Variants in CTNNA2 observed in about 807,000 individuals in gnomAD.
CTNNA2 encodes the protein catenin alpha-2.
CTNNA2 carries 42 observed loss-of-function variants against 101.0 expected under a neutral mutation model. That is an observed-to-expected ratio of 0.42 (90% CI 0.32 to 0.54). The LOEUF (loss-of-function observed/expected upper bound fraction) is 0.54. CTNNA2 is among the 20% of genes least tolerant of loss of function. The probability of loss-of-function intolerance (pLI) is 0.14; values close to 1 mark genes in which losing one functional copy is unlikely to be tolerated. For missense variants in CTNNA2, 871 were observed against 1,223.1 expected, an observed-to-expected ratio of 0.71 and a Z score of 4.29; for synonymous variants, 450 against 456.4, an observed-to-expected ratio of 0.99 and a Z score of 0.18.
intron 9 of CTNNA2, among the ~76,000 whole-genome samples, chr2:80,479,326 T>A (rs1366821718): frequency 6.6e-6 from 1 of 152,064 alleles, no homozygotes; most frequent in Non-Finnish European, 1.5e-5. Flanking sequence ...GACATGGTGA[T>A]GAAAAGGAAG....
At chr2:80,154,429 G>C (rs1394607270) in intron 7 of CTNNA2, among the ~76,000 whole-genome samples, 3 of 152,152 alleles carry the variant, frequency 2.0e-5, no homozygotes, top group Admixed American at 6.5e-5. Context: ...TTTCCACAAT[G>C]CCGGGAGCTA....
intron 1 of CTNNA2, among the ~76,000 whole-genome samples, chr2:79,608,495 A>G (rs1310141455): frequency 1.3e-5 from 2 of 152,094 alleles, no homozygotes; most frequent in African/African-American, 4.8e-5. Context: ...CATGAACATA[A>G]CATGCAAAAT....
intron 1 of CTNNA2, among the ~76,000 whole-genome samples, chr2:79,611,688 G>A (rs890675528): frequency 4.6e-5 from 7 of 152,092 alleles, no homozygotes. Flanking sequence ...AGAGGAAATT[G>A]CAATGCGTGT....
Position 80,500,820 on chromosome 2 carries a change from A to C in CTNNA2, c.1291-44162A>C, listed in dbSNP as rs116606640. ...TCAGGAACTTTGTTTTGCAATATAC[A>C]TTTTTATTTGTTTCGTTTATTTTAA... On this transcript the variant is annotated intron_variant, in intron 9 of 18. Coordinates refer to ENST00000402739, the MANE Select transcript of CTNNA2 (RefSeq NM_001282597.3). Among the ~76,000 whole-genome samples the C allele has an allele frequency of 7.8e-3, 1,190 of 152,234 alleles. 17 individuals are homozygous for C. The highest frequency in any genetic ancestry group is 0.027 in the African/African-American group (1,120 of 41,538).
At chr2:79,572,193 G>A (rs1159877001) in intron 1 of CTNNA2, among the ~76,000 whole-genome samples, 1 of 152,130 alleles carries the variant, frequency 6.6e-6, no homozygotes, top group Non-Finnish European at 1.5e-5. Context: ...AACCTTGAGC[G>A]ATTTCTGTAC....
chr2:79,716,016 T>G (rs959832988), intron 2 of CTNNA2, among the ~76,000 whole-genome samples: 2 of 149,052 alleles, frequency 1.3e-5, no homozygotes, highest in African/African-American at 4.9e-5. Flanking sequence ...GTTAATCGAC[T>G]ATAAGGATTG....
At chr2:80,524,095 G>A (rs1357056486) in intron 9 of CTNNA2, among the ~76,000 whole-genome samples, 1 of 152,178 alleles carries the variant, frequency 6.6e-6, no homozygotes, top group Admixed American at 6.5e-5. Context: ...TTCAGGAGAT[G>A]TCCTGCAGGG....
chr2:80,639,613 A>T (rs1673252398), intron 18 of CTNNA2, among the ~76,000 whole-genome samples: 1 of 152,056 alleles, frequency 6.6e-6, no homozygotes, highest in Non-Finnish European at 1.5e-5. Context: ...TTCCTTGTTA[A>T]AATATGCAAC....
chr2:80,438,642 A>C, intron 9 of CTNNA2, among the ~76,000 whole-genome samples: 1 of 152,182 alleles, frequency 6.6e-6, no homozygotes, highest in East Asian at 1.9e-4. Context: ...CAATTGTATT[A>C]CATAAAATAA....
upstream of CTNNA2, among the ~76,000 whole-genome samples, chr2:79,510,449 A>G (rs1398999882): frequency 6.6e-6 from 1 of 152,250 alleles, no homozygotes; most frequent in Non-Finnish European, 1.5e-5. Context: ...AAGCATATTT[A>G]GACTGTTATC....
intron 2 of CTNNA2, among the ~76,000 whole-genome samples, chr2:79,726,155 C>T (rs1162658263): frequency 6.6e-6 from 1 of 152,150 alleles, no homozygotes; most frequent in Non-Finnish European, 1.5e-5. Flanking sequence ...TATTAGAAAA[C>T]ACTGAAATGG....
chr2:79,365,296 ATAAAT>A (rs1677720657), intron 3 of CTNNA2, among the ~76,000 whole-genome samples: 2 of 151,550 alleles, frequency 1.3e-5, no homozygotes, highest in Non-Finnish European at 2.9e-5. Context: ...AAAAAAAAGA[ATAAAT>A]TAAACCTGCA....
intron 2 of CTNNA2, among the ~76,000 whole-genome samples, chr2:79,272,234 G>A (rs922573238): frequency 6.6e-6 from 1 of 151,894 alleles, no homozygotes; most frequent in Non-Finnish European, 1.5e-5. Flanking sequence ...AGCAATGTAT[G>A]ATCTAATAAT....
At chr2:79,248,714 C>A (rs1674729592) in intron 2 of CTNNA2, among the ~76,000 whole-genome samples, 1 of 152,168 alleles carries the variant, frequency 6.6e-6, no homozygotes, top group South Asian at 2.1e-4. Flanking sequence ...CCTGGGCTTC[C>A]TTTTGTCCCC....
chr2:79,192,290 A>G (rs1673884830), intron 1 of CTNNA2, among the ~76,000 whole-genome samples: 1 of 152,156 alleles, frequency 6.6e-6, no homozygotes, highest in African/African-American at 2.4e-5. Flanking sequence ...TCATTTCACA[A>G]AATGCTTTGT....
At chr2:79,404,143 T>C (rs1484730311) in intron 4 of CTNNA2, among the ~76,000 whole-genome samples, 1 of 146,624 alleles carries the variant, frequency 6.8e-6, no homozygotes, top group Non-Finnish European at 1.5e-5. Context: ...TGAATAAATG[T>C]AAAAAAAAAA....
At chr2:80,453,798 A>G (rs1683732419) in intron 9 of CTNNA2, among the ~76,000 whole-genome samples, 1 of 152,194 alleles carries the variant, frequency 6.6e-6, no homozygotes, top group African/African-American at 2.4e-5. Flanking sequence ...ATCAAAAGAT[A>G]CGTTTCTATT....
At chr2:80,389,009 G>T (rs1441777654) in intron 7 of CTNNA2, among the ~76,000 whole-genome samples, 2 of 152,104 alleles carry the variant, frequency 1.3e-5, no homozygotes, top group Non-Finnish European at 2.9e-5. Flanking sequence ...AAAATGAACT[G>T]CCCCAAATAT....
chr2:79,527,322 G>C (rs1672468094), intron 1 of CTNNA2, among the ~76,000 whole-genome samples: 1 of 151,888 alleles, frequency 6.6e-6, no homozygotes, highest in Non-Finnish European at 1.5e-5. Context: ...GATCACACCT[G>C]CTAGACGAGT....
Sources: allele counts gnomAD v4.1 joint callset (sites outside exome capture counted in the v4.1 genomes callset), GRCh38; gene constraint gnomAD v4.1.1; transcripts MANE v1.5; gene names NCBI Gene and HGNC (gene_info 2026-07-23, HGNC 2026-07-21).